Variants in FSTL4 observed in about 807,000 individuals in gnomAD.
The protein encoded by FSTL4 is follistatin like 4.
In FSTL4, 28 loss-of-function variants were observed where a neutral mutation model predicts 78.2. That is an observed-to-expected ratio of 0.36 (90% CI 0.27 to 0.49). The LOEUF is 0.49. Ranked by LOEUF, FSTL4 falls within the 20% of genes least tolerant of loss-of-function variation. The pLI, the probability that FSTL4 is intolerant of heterozygous loss-of-function variation, is 0.98. For synonymous variants in FSTL4, 422 were observed against 440.5 expected (o/e 0.96, Z 0.53); for missense variants, 922 against 1,084.9 (o/e 0.85, Z 2.11).
intron 4 of FSTL4, among the ~76,000 whole-genome samples, chr5:133,343,413 T>C (rs555304530): frequency 6.6e-6 from 1 of 152,338 alleles, no homozygotes; most frequent in African/African-American, 2.4e-5. Context: ...GCCACCTCTC[T>C]GTTCCTGGGA....
At chr5:133,360,725 C>T (rs560724477) in intron 4 of FSTL4, among the ~76,000 whole-genome samples, 3 of 152,120 alleles carry the variant, frequency 2.0e-5, no homozygotes, top group Non-Finnish European at 4.4e-5. Flanking sequence ...ATGTTTTCAA[C>T]GTCCACTTTA....
At position 133,368,060 on chromosome 5, in the gene FSTL4, T is replaced by C. The variant is rs866472605; in HGVS notation, c.409+32678A>G. Among the ~76,000 whole-genome samples the C allele has an allele frequency of 3.3e-5, 5 of 152,382 alleles. No homozygotes were observed. The South Asian group carries it at 8.3e-4, about 25-fold the overall frequency. On this transcript the variant is annotated intron_variant, in intron 4 of 15. Transcript: ENST00000265342. ...CTTGTCCAAGGGGAGTTCTGGCCTT[T>C]GCCCCCTGCCCCTGGGAGGGGATTG...
At chr5:133,507,569 C>A (rs938444462) in intron 3 of FSTL4, among the ~76,000 whole-genome samples, 1 of 148,090 alleles carries the variant, frequency 6.8e-6, no homozygotes, top group South Asian at 2.1e-4. Context: ...TGTCGCCAGG[C>A]TGGAGTGCAG....
At chr5:133,631,377 G>A in the FSTL4 span, among the ~76,000 whole-genome samples, 7 of 151,570 alleles carry the variant, frequency 4.6e-5, no homozygotes, top group East Asian at 1.9e-4. Flanking sequence ...ACATTTATGC[G>A]GCCAACAAAC....
the FSTL4 span, among the ~76,000 whole-genome samples, chr5:133,785,617 A>C: frequency 1.3e-5 from 2 of 152,280 alleles, no homozygotes; most frequent in Admixed American, 1.3e-4. Flanking sequence ...GTCTATGAAG[A>C]GGAGGAGGAA....
intron 2 of FSTL4, among the ~76,000 whole-genome samples, chr5:133,582,486 G>GCAAT (rs1239677159): frequency 6.6e-6 from 1 of 152,160 alleles, no homozygotes; most frequent in African/African-American, 2.4e-5. Flanking sequence ...TGTGCCCCCA[G>GCAAT]CAATCAGCAT....
intron 3 of FSTL4, among the ~76,000 whole-genome samples, chr5:133,504,530 T>C (rs904926253): frequency 6.6e-6 from 1 of 152,168 alleles, no homozygotes; most frequent in African/African-American, 2.4e-5. Flanking sequence ...ACAACCCTGA[T>C]TACAACCTAT....
chr5:133,263,568 AC>A, intron 6 of FSTL4, among the ~76,000 whole-genome samples: 1 of 152,114 alleles, frequency 6.6e-6, no homozygotes, highest in Admixed American at 6.5e-5. Flanking sequence ...GTCATTTGGG[AC>A]CTCTAATGTT....
intron 3 of FSTL4, among the ~76,000 whole-genome samples, chr5:133,488,016 G>A (rs1758172467): frequency 6.6e-6 from 1 of 152,150 alleles, no homozygotes; most frequent in African/African-American, 2.4e-5. Context: ...GGGAAAACTG[G>A]CATTCAAAGA....
At chr5:133,206,497 G>T (rs779475981) in intron 14 of FSTL4, among the ~76,000 whole-genome samples, 1 of 152,136 alleles carries the variant, frequency 6.6e-6, no homozygotes, top group Admixed American at 6.5e-5. Context: ...GAGTCGCTGG[G>T]ATTACAGATG....
In FSTL4 at chr5:133,565,020, G is replaced by C. The variant is rs1163580274; in HGVS notation, c.160+2166C>G. 2.6e-5 allele frequency among the ~76,000 whole-genome samples: 4 copies of C among 152,180 alleles called. No individual in the cohort carries two copies. In the East Asian group the frequency reaches 7.7e-4, roughly 29 times the overall value. ...AGGGGATGCTCCTGAGTCAGGTACA[G>C]TATTGAAATAAGGCAAACCAAAACA... is the stretch of plus-strand genomic sequence containing the variant. On this transcript the variant is annotated intron_variant, in intron 3 of 15. Coordinates refer to ENST00000265342, the MANE Select transcript of FSTL4 (RefSeq NM_015082.2).
the FSTL4 span, among the ~76,000 whole-genome samples, chr5:133,795,099 G>T: frequency 6.6e-6 from 1 of 152,264 alleles, no homozygotes; most frequent in African/African-American, 2.4e-5. Context: ...AGCTGCAGGT[G>T]ATTGGGGATG....
the FSTL4 span, among the ~76,000 whole-genome samples, chr5:133,674,235 A>G: frequency 2.3e-4 from 35 of 152,260 alleles, no homozygotes; most frequent in African/African-American, 7.9e-4. Flanking sequence ...TGGGTGCTGA[A>G]GGCTGTTCTG....
chr5:133,274,379 G>GATTTTTTTTTT (rs1581585395), intron 6 of FSTL4, among the ~76,000 whole-genome samples: 1 of 4,516 alleles, frequency 2.2e-4, no homozygotes, highest in African/African-American at 9.1e-4. Context: ...GGCAATCTGT[G>GATTTTTTTTTT]CTTTTTTTTT....
At chr5:133,816,147 G>A in the FSTL4 span, among the ~76,000 whole-genome samples, 2 of 152,204 alleles carry the variant, frequency 1.3e-5, no homozygotes, top group Non-Finnish European at 2.9e-5. Context: ...GCCATACTGA[G>A]CACCCTGGAA....
rs1750251963 is a variant in FSTL4 at position 133,199,501 on chromosome 5, C to T, written c.2123G>A (p.Ser708Asn). The T allele has an allele frequency of 1.2e-6, 2 of 1,614,224 alleles. No individual in the cohort carries two copies. Among genetic ancestry groups the T allele is most frequent in the Non-Finnish European group, 1.7e-6 (2 of 1,180,022 alleles). ...GRFIVSAAAD[S>N]PWLHVQEITV... ...GATCTCCTGCACGTGCAGCCAGGGG[C>T]TGTCAGCTGCAGCACTGACTATGAA... The change falls in exon 16 of 16, where the codon AGC becomes AAC. Residue 708 changes from serine (S) to asparagine (N), a missense_variant. Ser to Asn is a conservative substitution (Grantham distance 46). Transcript: ENST00000265342. The surrounding 1 kb of genome is among the most constrained non-coding windows in gnomAD (Gnocchi z 4.4).
chr5:133,370,112 G>A (rs1333169463), intron 4 of FSTL4, among the ~76,000 whole-genome samples: 1 of 152,126 alleles, frequency 6.6e-6, no homozygotes, highest in Non-Finnish European at 1.5e-5. Flanking sequence ...AACTGTCACC[G>A]TGCATGTGGT....
intron 6 of FSTL4, among the ~76,000 whole-genome samples, chr5:133,261,994 C>CAA (rs35169871): frequency 3.3e-4 from 37 of 110,952 alleles, no homozygotes; most frequent in African/African-American, 5.1e-4. Context: ...GACCTAGTCT[C>CAA]AAAAAAAAAA....
the FSTL4 span, among the ~76,000 whole-genome samples, chr5:133,759,838 G>T: frequency 1.3e-5 from 2 of 152,218 alleles, no homozygotes; most frequent in African/African-American, 2.4e-5. Context: ...TTCTATTGTA[G>T]ATGAGATGAG....
Sources: gnomAD v4.1 joint callset for allele counts (sites outside exome capture counted in the v4.1 genomes callset) on GRCh38, gnomAD v4.1.1 for gene constraint, Gnocchi (gnomAD v3.1) non-coding constraint, MANE v1.5 for transcripts, NCBI Gene and HGNC (gene_info 2026-07-23, HGNC 2026-07-21) for gene names.